GTF2F2: variants seen among roughly 807,000 people sequenced by gnomAD.
GTF2F2 encodes ATP-dependent helicase GTF2F2.
A neutral mutation model predicts 42.2 loss-of-function variants in GTF2F2; 23 were observed. That is an observed-to-expected ratio of 0.55 (90% CI 0.39 to 0.77). The LOEUF (loss-of-function observed/expected upper bound fraction) is 0.77. GTF2F2 is among the 30% of genes least tolerant of loss of function. The probability of loss-of-function intolerance (pLI) is 0.00; values close to 1 mark genes in which losing one functional copy is unlikely to be tolerated. For missense variants in GTF2F2, 261 were observed against 287.2 expected (o/e 0.91, Z 0.66); for synonymous variants, 105 against 100.8 (o/e 1.04, Z -0.25).
At chr13:45,228,549 C>T (rs1007645516) in intron 5 of GTF2F2, among the ~76,000 whole-genome samples, 7 of 150,948 alleles carry the variant, frequency 4.6e-5, no homozygotes, top group South Asian at 4.2e-4. Flanking sequence ...GCTCACACAC[C>T]GTTCTTCCCT....
At chr13:45,156,727 G>C (rs766773343) in intron 4 of GTF2F2, among the ~76,000 whole-genome samples, 1 of 152,260 alleles carries the variant, frequency 6.6e-6, no homozygotes. Flanking sequence ...TTTTTGGCCT[G>C]AGCATCTGGA....
At chr13:45,152,595 G>T (rs1254873538) in intron 4 of GTF2F2, among the ~76,000 whole-genome samples, 1 of 152,156 alleles carries the variant, frequency 6.6e-6, no homozygotes, top group African/African-American at 2.4e-5. Context: ...TACCAAGAGG[G>T]CCTTTTTATT....
intron 4 of GTF2F2, among the ~76,000 whole-genome samples, chr13:45,170,369 CAATT>C (rs1435524852): frequency 6.6e-6 from 1 of 152,160 alleles, no homozygotes; most frequent in Non-Finnish European, 1.5e-5. Context: ...ACATGGGCTC[CAATT>C]AATTTTTCTT....
intron 5 of GTF2F2, among the ~76,000 whole-genome samples, chr13:45,222,347 A>G (rs769384304): frequency 6.6e-6 from 1 of 152,114 alleles, no homozygotes; most frequent in South Asian, 2.1e-4. Context: ...GATTTTGTTT[A>G]TTTGGGAATT....
chr13:45,201,871 T>C (rs1873202107), intron 4 of GTF2F2, among the ~76,000 whole-genome samples: 2 of 152,084 alleles, frequency 1.3e-5, no homozygotes, highest in South Asian at 4.1e-4. Flanking sequence ...TTTGGTAGGA[T>C]GAGTTTGTGT....
At chr13:45,246,937 A>G (rs1484678515) in intron 5 of GTF2F2, among the ~76,000 whole-genome samples, 1 of 151,542 alleles carries the variant, frequency 6.6e-6, no homozygotes, top group Non-Finnish European at 1.5e-5. Context: ...ACTTGGGAAG[A>G]TGAGGCAGGA....
chr13:45,199,541 G>A (rs1873073124), intron 4 of GTF2F2, among the ~76,000 whole-genome samples: 1 of 152,002 alleles, frequency 6.6e-6, no homozygotes, highest in Non-Finnish European at 1.5e-5. Context: ...AATATAACCT[G>A]TGCGTTATTA....
rs544354923 is a variant in GTF2F2, at chr13:45,197,218, C to T, written c.305-10206C>T. On this transcript the variant is annotated intron_variant, in intron 4 of 7. Transcript: ENST00000340473. ...AGACTTAAAGAAGAAAAATGTAGGCCGGGCATGTTGGCTTATGCCTGTAAT... is the reference window on the plus strand; with the variant it reads ...AGACTTAAAGAAGAAAAATGTAGGCTGGGCATGTTGGCTTATGCCTGTAAT... Among the ~76,000 whole-genome samples the T allele has an allele frequency of 3.4e-4, 51 of 151,530 alleles. No homozygotes were observed. In the South Asian group the frequency reaches 9.4e-3, roughly 28 times the overall value.
intron 6 of GTF2F2, among the ~76,000 whole-genome samples, chr13:45,255,486 C>T (rs922078016): frequency 6.6e-6 from 1 of 152,292 alleles, no homozygotes; most frequent in East Asian, 1.9e-4. Flanking sequence ...ATTTTATAGC[C>T]TCTGGTTATG....
intron 7 of GTF2F2, among the ~76,000 whole-genome samples, chr13:45,270,110 G>A (rs1036431875): frequency 2.6e-5 from 4 of 152,108 alleles, no homozygotes; most frequent in African/African-American, 9.7e-5. Flanking sequence ...GAGATTACAC[G>A]TGAGCTACCG....
intron 7 of GTF2F2, among the ~76,000 whole-genome samples, chr13:45,279,963 A>G (rs985164845): frequency 6.7e-6 from 1 of 150,178 alleles, no homozygotes. Context: ...AGAGCAAGGC[A>G]TATAAATAAA....
chr13:45,276,505 C>T (rs1033571647), intron 7 of GTF2F2, among the ~76,000 whole-genome samples: 15 of 150,884 alleles, frequency 9.9e-5, no homozygotes, highest in Admixed American at 9.9e-4. Flanking sequence ...GGCATGATCT[C>T]GGCTCACTGC....
At chr13:45,191,224 A>AAAAAAAATATATGT in intron 4 of GTF2F2, among the ~76,000 whole-genome samples, 1 of 75,346 alleles carries the variant, frequency 1.3e-5, no homozygotes, top group Admixed American at 1.4e-4. Context: ...ACAAAAAAAA[A>AAAAAAAATATATGT]ATATATATAT....
Position 45,120,510 on chromosome 13 carries a change from C to G in GTF2F2, c.-146C>G, listed in dbSNP as rs776583135. The G allele has an allele frequency of 1.8e-5, 11 of 624,126 alleles. No individual in the cohort carries two copies. Among genetic ancestry groups the G allele is most frequent in the East Asian group, 5.7e-5 (2 of 35,112 alleles). The allele number at this position is 624,126 out of a possible 1,614,324, so 38.7% of individuals were successfully genotyped here. On this transcript the variant is annotated 5_prime_UTR_variant, in exon 1 of 8. Coordinates refer to ENST00000340473, the MANE Select transcript of GTF2F2 (RefSeq NM_004128.3). ...CTCCTGGCGGCGTGTTCCTCTTTTCCTCGGTTCCCAGTGTTCTGGCAGGTA... is the reference window on the plus strand; with the variant it reads ...CTCCTGGCGGCGTGTTCCTCTTTTCGTCGGTTCCCAGTGTTCTGGCAGGTA...
chr13:45,123,791 ATTTT>A (rs201828514), intron 1 of GTF2F2, among the ~76,000 whole-genome samples: 5 of 136,028 alleles, frequency 3.7e-5, no homozygotes, highest in African/African-American at 5.5e-5. Context: ...GGAATTTTGA[ATTTT>A]TTTTTTTTTT....
intron 4 of GTF2F2, among the ~76,000 whole-genome samples, chr13:45,172,899 C>CT (rs896733762): frequency 5.9e-5 from 9 of 151,342 alleles, no homozygotes; most frequent in East Asian, 3.9e-4. Context: ...CTCCACCTTT[C>CT]TTTTTTTTTC....
chr13:45,148,035 C>T (rs138170405), intron 2 of GTF2F2, among the ~76,000 whole-genome samples: 1 of 152,198 alleles, frequency 6.6e-6, no homozygotes, highest in Non-Finnish European at 1.5e-5. Flanking sequence ...TCCTTGAGGT[C>T]AAGGATCCAT....
intron 2 of GTF2F2, 86 bp downstream of exon 2, chr13:45,136,892 T>C (rs1177016369): frequency 9.0e-6 from 7 of 778,010 alleles, no homozygotes; most frequent in Non-Finnish European, 1.6e-5. Context: ...TAATTTCTGA[T>C]CAGAGTTTAC....
chr13:45,224,717 G>A (rs1874257496), intron 5 of GTF2F2, among the ~76,000 whole-genome samples: 1 of 152,184 alleles, frequency 6.6e-6, no homozygotes, highest in Admixed American at 6.5e-5. Context: ...TGCTGTGAAA[G>A]TGAATTATGC....
Sources: allele counts gnomAD v4.1 joint callset (sites outside exome capture counted in the v4.1 genomes callset), GRCh38; gene constraint gnomAD v4.1.1; transcripts MANE v1.5; gene names NCBI Gene and HGNC (gene_info 2026-07-23, HGNC 2026-07-21).